The following POLR3A variants were observed in gnomAD, a reference collection of about 807,000 sequenced individuals.
POLR3A encodes DNA-directed RNA polymerase III subunit RPC1.
A neutral mutation model predicts 152.8 loss-of-function variants in POLR3A; 112 were observed. The observed-to-expected ratio is 0.73, with a 90% confidence interval of 0.63 to 0.86. The LOEUF (loss-of-function observed/expected upper bound fraction) is 0.86. Among genes scored for constraint, POLR3A ranks in the 40% least tolerant of loss-of-function variants. The pLI, the probability that POLR3A is intolerant of heterozygous loss-of-function variation, is 0.00. For synonymous variants in POLR3A, 615 were observed against 652.1 expected (o/e 0.94, Z 0.87); for missense variants, 1,385 against 1,743.1 (o/e 0.79, Z 3.66).
At chr10:78,008,745 C>G (rs1847434567) in intron 14 of POLR3A, among the ~76,000 whole-genome samples, 2 of 151,760 alleles carry the variant, frequency 1.3e-5, no homozygotes, top group South Asian at 4.1e-4. Context: ...TGAGGTGGCT[C>G]ACACCTGTAA....
chr10:78,026,892 C>T (rs117644950), intron 1 of POLR3A, among the ~76,000 whole-genome samples: 1,868 of 152,292 alleles, frequency 0.012, 16 homozygotes, highest in Non-Finnish European at 0.019. Context: ...AAACAGACCT[C>T]AATACTTTTT....
chr10:78,008,018 G>GT, intron 14 of POLR3A, 152 bp from the exon 15 acceptor site: 4 of 414,328 alleles, frequency 9.7e-6, no homozygotes, highest in Non-Finnish European at 1.8e-5. Context: ...TTGGGGGGAG[G>GT]GAGGGGGGGT....
At chr10:77,994,885 G>GA (rs1206054560) in intron 19 of POLR3A, among the ~76,000 whole-genome samples, 10 of 152,082 alleles carry the variant, frequency 6.6e-5, no homozygotes, top group Non-Finnish European at 1.3e-4. Flanking sequence ...TGAAATGAAG[G>GA]AAAAAATGTT....
At chr10:78,028,361 C>T (rs1847657322) in intron 1 of POLR3A, among the ~76,000 whole-genome samples, 1 of 152,124 alleles carries the variant, frequency 6.6e-6, no homozygotes, top group Non-Finnish European at 1.5e-5. Context: ...CTGGACCTAC[C>T]CTTGTCATTG....
intron 10 of POLR3A, among the ~76,000 whole-genome samples, chr10:78,015,328 TTTTC>T (rs978352431): frequency 1.3e-5 from 2 of 152,014 alleles, no homozygotes; most frequent in African/African-American, 2.4e-5. Flanking sequence ...CATTTGAAAA[TTTTC>T]TTTTTCTTTT....
chr10:77,995,363 G>A (rs1249572836), intron 19 of POLR3A, among the ~76,000 whole-genome samples: 1 of 152,148 alleles, frequency 6.6e-6, no homozygotes, highest in Non-Finnish European at 1.5e-5. Context: ...GACACAGACT[G>A]GCAAATTGGA....
intron 19 of POLR3A, among the ~76,000 whole-genome samples, chr10:77,995,036 A>C (rs1208792576): frequency 2.0e-5 from 3 of 152,222 alleles, no homozygotes; most frequent in Non-Finnish European, 2.9e-5. Context: ...AATTTTCAAA[A>C]CAGAATTTCA....
At chr10:78,025,793 G>C in intron 2 of POLR3A, 34 bp from the exon 3 acceptor site, 2 of 1,608,610 alleles carry the variant, frequency 1.2e-6, no homozygotes, top group Middle Eastern at 1.7e-4. Flanking sequence ...GATCAACACA[G>C]ACTGCTGGAC....
chr10:77,982,056 A>G, intron 28 of POLR3A, 98 bp downstream of exon 28: 2 of 723,850 alleles, frequency 2.8e-6, no homozygotes, highest in South Asian at 3.8e-5. Flanking sequence ...AAAAAAAAAA[A>G]AAAAAAAAAA....
chr10:78,006,875 T>C, intron 15 of POLR3A, among the ~76,000 whole-genome samples: 1 of 152,012 alleles, frequency 6.6e-6, no homozygotes, highest in Admixed American at 6.6e-5. Flanking sequence ...TCCTAGCACT[T>C]TGGGAGGTGG....
At position 78,025,102 on chromosome 10, in the gene POLR3A, T is replaced by C; in HGVS notation, c.359A>G (p.Glu120Gly). 1.2e-6 allele frequency: 2 copies of C among 1,614,230 alleles called. No individual in the cohort carries two copies. Among genetic ancestry groups the C allele is most frequent in the Non-Finnish European group, 1.7e-6 (2 of 1,180,038 alleles). The change falls in exon 4 of 31, where the codon GAG becomes GGG. Residue 120 changes from glutamate (E) to glycine (G), a missense_variant. Glu to Gly is a moderately conservative substitution (Grantham distance 98, BLOSUM62 -2). Coordinates refer to ENST00000372371, the MANE Select transcript of POLR3A (RefSeq NM_007055.4). ...KTCCHIMLSQ[E>G]EKKQFLDYLK... ...ATAGTCCAGAAACTGCTTCTTCTCCTCTTGGGACAGCATGATGTGGCAGCA... is the reference window on the plus strand; with the variant it reads ...ATAGTCCAGAAACTGCTTCTTCTCCCCTTGGGACAGCATGATGTGGCAGCA...
chr10:77,995,285 T>C (rs1253586087), intron 19 of POLR3A, among the ~76,000 whole-genome samples: 1 of 152,158 alleles, frequency 6.6e-6, no homozygotes, highest in Non-Finnish European at 1.5e-5. Flanking sequence ...AACATCATAA[T>C]GACAGGATCA....
intron 9 of POLR3A, among the ~76,000 whole-genome samples, chr10:78,018,413 T>C (rs937541874): frequency 2.7e-4 from 41 of 151,106 alleles, no homozygotes; most frequent in African/African-American, 9.7e-4. Context: ...GCAGGAAACT[T>C]GCTTGAACCT....
intron 5 of POLR3A, among the ~76,000 whole-genome samples, chr10:78,024,190 C>A (rs886193852): frequency 5.3e-5 from 8 of 151,658 alleles, no homozygotes; most frequent in African/African-American, 1.9e-4. Flanking sequence ...ATGGGGAAAC[C>A]CTGTCTCTAC....
chr10:78,002,100 GA>G, intron 17 of POLR3A, 96 bp downstream of exon 17: 1 of 688,584 alleles, frequency 1.5e-6, no homozygotes, highest in Non-Finnish European at 2.5e-6. Context: ...TTAAATAAAT[GA>G]AATGTCTGTT....
Position 78,009,880 on chromosome 10 carries a change from G to GGT in POLR3A, c.1752_1753dup (p.Pro585HisfsTer6). 6.2e-7 allele frequency: 1 copy of GGT among 1,614,076 alleles called. No homozygotes were observed. Among genetic ancestry groups the GGT allele is most frequent in the Non-Finnish European group, 8.5e-7 (1 of 1,180,014 alleles). On this transcript the variant is annotated frameshift_variant, in exon 13 of 31. Transcript: ENST00000372371. LOFTEE classifies it high-confidence loss of function. ...CACACACACCTTTAGGATTGTAGGC[G>GGT]GTGGGAGGCGAACTTTAATTTTCTC...
intron 8 of POLR3A, 115 bp from the exon 9 acceptor site, chr10:78,019,380 G>A: frequency 1.3e-6 from 1 of 764,842 alleles, no homozygotes; most frequent in Non-Finnish European, 2.3e-6. Context: ...AGAAAGAGAG[G>A]CATCCTGGGC....
At chr10:78,022,123 C>T (rs761268939) in intron 6 of POLR3A, 22 bp downstream of exon 6, 42 of 1,614,018 alleles carry the variant, frequency 2.6e-5, no homozygotes, top group Non-Finnish European at 3.6e-5. Context: ...ATGAAACTTA[C>T]AAGGAAATGG....
rs201131154 is a variant in POLR3A, at chr10:78,004,688, C to T, written c.2247+28G>A. On this transcript the variant is annotated intron_variant, in intron 16 of 30. Coordinates refer to ENST00000372371, the MANE Select transcript of POLR3A (RefSeq NM_007055.4). ...CGTAGCCACTGTGCACGGCAAGTGG[C>T]GACCCTGAACCAAAGGGCCGGGCTC... is the stretch of plus-strand genomic sequence containing the variant. The T allele has an allele frequency of 1.9e-4, 296 of 1,596,446 alleles. No individual in the cohort carries two copies. In the East Asian group the frequency reaches 5.2e-3, roughly 28 times the overall value.
Sources: allele counts gnomAD v4.1 joint callset (sites outside exome capture counted in the v4.1 genomes callset), GRCh38; gene constraint gnomAD v4.1.1; transcripts MANE v1.5; gene names NCBI Gene and HGNC (gene_info 2026-07-23, HGNC 2026-07-21).